ASCC3: variants seen among roughly 807,000 people sequenced by gnomAD.
ASCC3 encodes ASC-1 complex subunit P200.
In ASCC3, 158 loss-of-function variants were observed where a neutral mutation model predicts 256.3. The ratio of observed to expected loss-of-function variants is 0.62; its 90% confidence interval spans 0.54 to 0.70. The LOEUF (loss-of-function observed/expected upper bound fraction) is 0.70, where lower values mean the gene tolerates loss of function less well. Among genes scored for constraint, ASCC3 ranks in the 30% least tolerant of loss-of-function variants. ASCC3 has a pLI of 0.00. For missense variants in ASCC3, 2,259 were observed against 2,626.0 expected (o/e 0.86, Z 3.05); for synonymous variants, 948 against 883.4 (o/e 1.07, Z -1.30).
intron 1 of ASCC3, among the ~76,000 whole-genome samples, chr6:100,874,794 G>A (rs1773918387): frequency 1.3e-5 from 2 of 152,094 alleles, no homozygotes; most frequent in Admixed American, 1.3e-4. Context: ...CTAAAGGGGT[G>A]GGAGGGCACT....
intron 13 of ASCC3, among the ~76,000 whole-genome samples, chr6:100,713,586 G>A (rs1424892913): frequency 6.6e-6 from 1 of 152,128 alleles, no homozygotes; most frequent in African/African-American, 2.4e-5. Context: ...GCATGTCAAT[G>A]TAGGTTCATT....
Position 100,853,420 on chromosome 6 carries a change from CTTT to C in ASCC3, c.242-4716_242-4714del, listed in dbSNP as rs11299576. On this transcript the variant is annotated intron_variant, in intron 3 of 41. Coordinates refer to ENST00000369162, the MANE Select transcript of ASCC3 (RefSeq NM_006828.4). Reference sequence around the variant, plus strand: ...TTGCATCCATAATTGATAAATATTCCTTTTTTTTTTTTTTTTTTTGAGACGGAG... The same window carrying C: ...TTGCATCCATAATTGATAAATATTCCTTTTTTTTTTTTTTTTGAGACGGAG... Among the ~76,000 whole-genome samples the C allele has an allele frequency of 2.5e-4, 32 of 127,656 alleles. No individual in the cohort carries two copies. The East Asian group carries it at 5.8e-3, about 23-fold the overall frequency. 83.7% of individuals were successfully genotyped at this position (127,656 alleles called of 152,430 possible).
At chr6:100,564,539 G>T (rs1770129204) in intron 36 of ASCC3, among the ~76,000 whole-genome samples, 1 of 152,056 alleles carries the variant, frequency 6.6e-6, no homozygotes, top group African/African-American at 2.4e-5. Flanking sequence ...TTAATAACCA[G>T]AATTGCAGCA....
intron 18 of ASCC3, among the ~76,000 whole-genome samples, chr6:100,652,135 T>C (rs1357550082): frequency 1.3e-5 from 2 of 151,890 alleles, no homozygotes; most frequent in African/African-American, 2.4e-5. Context: ...AAAGGCCACA[T>C]AGATTGAAGA....
intron 13 of ASCC3, among the ~76,000 whole-genome samples, chr6:100,713,650 A>C (rs901028126): frequency 6.6e-6 from 1 of 152,186 alleles, no homozygotes; most frequent in Non-Finnish European, 1.5e-5. Context: ...GTGTGGGAGT[A>C]GGGAGCACAT....
chr6:100,640,211 C>A (rs1775051964), intron 24 of ASCC3, among the ~76,000 whole-genome samples: 1 of 151,990 alleles, frequency 6.6e-6, no homozygotes, highest in African/African-American at 2.4e-5. Flanking sequence ...GAGATATGTT[C>A]TTAAAAAGAC....
intron 30 of ASCC3, among the ~76,000 whole-genome samples, chr6:100,607,706 T>C (rs1772974100): frequency 6.6e-6 from 1 of 151,766 alleles, no homozygotes; most frequent in Admixed American, 6.6e-5. Flanking sequence ...AATTTAGTAA[T>C]GATAAAAGGA....
Position 100,647,275 on chromosome 6 carries a change from T to G in ASCC3, c.3429A>C (p.Glu1143Asp). The G allele has an allele frequency of 6.2e-7, 1 of 1,614,108 alleles. No homozygotes were observed. Among genetic ancestry groups the G allele is most frequent in the Non-Finnish European group, 8.5e-7 (1 of 1,179,988 alleles). The change falls in exon 21 of 42, where the codon GAA becomes GAC. Residue 1143 changes from glutamate (E) to aspartate (D), a missense_variant. Around this residue, in one of 2 missense-constraint regions of ASCC3, gnomAD observed 1,839 missense variants for 2,206.7 expected, o/e 0.83. Transcript: ENST00000369162. The stretch of plus-strand genomic sequence containing the variant: ...TCAGCTTATCCACAGTAAGCTTTTT[T>G]TCTTCTAATCTTGTTAGGATGTGTG... ...LPPHILTRLE[E>D]KKLTVDKLKD...
At chr6:100,658,827 A>G (rs1776046917) in intron 16 of ASCC3, among the ~76,000 whole-genome samples, 1 of 151,636 alleles carries the variant, frequency 6.6e-6, no homozygotes, top group Admixed American at 6.6e-5. Context: ...ACTCCGTATA[A>G]AAAATGTATG....
At chr6:100,701,444 T>C (rs545883201) in intron 13 of ASCC3, among the ~76,000 whole-genome samples, 35 of 152,258 alleles carry the variant, frequency 2.3e-4, no homozygotes, top group African/African-American at 8.2e-4. Context: ...TCCCCAGCCA[T>C]GTGGAAATCT....
At chr6:100,809,115 T>C (rs1339948716) in intron 4 of ASCC3, among the ~76,000 whole-genome samples, 2 of 151,964 alleles carry the variant, frequency 1.3e-5, no homozygotes, top group Non-Finnish European at 2.9e-5. Context: ...AGGATGTTAA[T>C]GTACTACCGT....
intron 4 of ASCC3, among the ~76,000 whole-genome samples, chr6:100,822,446 A>G (rs1238333135): frequency 6.7e-6 from 1 of 150,304 alleles, no homozygotes; most frequent in Non-Finnish European, 1.5e-5. Flanking sequence ...TTGAGGTGGG[A>G]GGATGGCTTG....
intron 1 of ASCC3, among the ~76,000 whole-genome samples, chr6:100,873,817 A>G (rs899688135): frequency 1.3e-5 from 2 of 152,198 alleles, no homozygotes; most frequent in African/African-American, 4.8e-5. Flanking sequence ...CTTTTTAGGC[A>G]AACAAATGCT....
At position 100,872,802 on chromosome 6, in the gene ASCC3, C is replaced by T. The variant is rs80045624; in HGVS notation, c.-41-4764G>A. ...AGAAGAGAGACAACAATCACTATAG[C>T]TTGGCTCTCAGGAAGCCATATCCCT... On this transcript the variant is annotated intron_variant, in intron 1 of 41. Transcript: ENST00000369162. 3.5e-3 allele frequency among the ~76,000 whole-genome samples: 529 copies of T among 152,234 alleles called. 3 individuals are homozygous for T. The highest frequency in any genetic ancestry group is 0.012 in the African/African-American group (510 of 41,542).
At chr6:100,620,068 G>A (rs1430979240) in intron 30 of ASCC3, among the ~76,000 whole-genome samples, 1 of 152,136 alleles carries the variant, frequency 6.6e-6, no homozygotes, top group African/African-American at 2.4e-5. Context: ...AAGGGCCATA[G>A]TGGACCTTTG....
intron 10 of ASCC3, among the ~76,000 whole-genome samples, chr6:100,747,363 G>A (rs1370800987): frequency 6.6e-6 from 1 of 152,024 alleles, no homozygotes; most frequent in Non-Finnish European, 1.5e-5. Context: ...AACATCTACT[G>A]TATGTCAGGC....
intron 10 of ASCC3, among the ~76,000 whole-genome samples, chr6:100,726,876 C>T (rs150890826): frequency 5.3e-4 from 80 of 152,110 alleles, no homozygotes; most frequent in Non-Finnish European, 1.1e-3. Flanking sequence ...GTACTTAATC[C>T]CTTGGCAGTA....
At chr6:100,745,779 T>C (rs1780637368) in intron 10 of ASCC3, among the ~76,000 whole-genome samples, 1 of 152,228 alleles carries the variant, frequency 6.6e-6, no homozygotes, top group African/African-American at 2.4e-5. Context: ...TTATGGCTAG[T>C]GGCTACTGTA....
At chr6:100,852,125 T>C (rs930284371) in intron 3 of ASCC3, among the ~76,000 whole-genome samples, 1 of 152,226 alleles carries the variant, frequency 6.6e-6, no homozygotes, top group African/African-American at 2.4e-5. Context: ...CACAGCTTGC[T>C]GGTACAGCCC....
Sources: gnomAD v4.1 joint callset for allele counts (sites outside exome capture counted in the v4.1 genomes callset) on GRCh38, gnomAD v4.1.1 for gene constraint, gnomAD v4.1.1 regional missense constraint, MANE v1.5 for transcripts, NCBI Gene and HGNC (gene_info 2026-07-23, HGNC 2026-07-21) for gene names.